SPACA1: variants seen among roughly 807,000 people sequenced by gnomAD.
SPACA1 encodes the protein sperm acrosome membrane-associated protein 1.
Under a neutral mutation model 32.6 loss-of-function variants are expected in SPACA1, and 17 were observed. That is an observed-to-expected ratio of 0.52 (90% confidence interval 0.36 to 0.78). The LOEUF is 0.78. Among genes scored for constraint, SPACA1 ranks in the 30% least tolerant of loss-of-function variants. SPACA1 has a pLI of 0.01. For synonymous variants in SPACA1, 140 were observed against 138.1 expected (o/e 1.01, Z -0.10); for missense variants, 363 against 373.4 (o/e 0.97, Z 0.23).
At chr6:88,047,435 G>A (rs1201266634), upstream of SPACA1, among the ~76,000 whole-genome samples, 1 of 152,192 alleles carries the variant, frequency 6.6e-6, no homozygotes, top group African/African-American at 2.4e-5. Context: ...CAAGTCACAC[G>A]AAGAGTATGT....
At chr6:88,056,463 T>G (rs1775808943) in intron 2 of SPACA1, among the ~76,000 whole-genome samples, 1 of 152,224 alleles carries the variant, frequency 6.6e-6, no homozygotes, top group Non-Finnish European at 1.5e-5. Context: ...TCTTGTTTCG[T>G]ATGTAGCCTT....
Position 88,048,080 on chromosome 6 carries a change from G to T in SPACA1, c.175G>T (p.Ala59Ser). 2 of 1,600,804 alleles carry T rather than the reference G, an allele frequency of 1.2e-6. No individual in the cohort carries two copies. The highest frequency in any genetic ancestry group is 2.3e-5 in the South Asian group (2 of 87,920). Residue 59 changes from alanine to serine, a missense_variant, in exon 1 of 7, where the codon GCG becomes TCG. Ala to Ser is a moderately conservative substitution (Grantham distance 99, BLOSUM62 1). Transcript: ENST00000237201. ...GACCGAAAACAACGACAGCGAGACC[G>T]CGGAGAACTACGCTCCGCCTGAAAC... Reference protein sequence around the residue: ...EETENNDSETAENYAPPETED... With the variant: ...EETENNDSETSENYAPPETED...
At chr6:88,055,700 G>A (rs1280647209) in intron 2 of SPACA1, among the ~76,000 whole-genome samples, 3 of 152,262 alleles carry the variant, frequency 2.0e-5, no homozygotes, top group Admixed American at 6.5e-5. Flanking sequence ...GCCGGGCGCG[G>A]TGGCTCACGC....
chr6:88,065,199 A>G lies in SPACA1; in HGVS notation c.731+980A>G, dbSNP rs1318173781. Reference sequence around the variant, plus strand: ...ACAAACGTGTATTATGTATATACATACATATACATATATGTATGTATGTGT... The same window carrying G: ...ACAAACGTGTATTATGTATATACATGCATATACATATATGTATGTATGTGT... On this transcript the variant is annotated intron_variant, in intron 6 of 6. Coordinates refer to ENST00000237201, the MANE Select transcript of SPACA1 (RefSeq NM_030960.3). Among the ~76,000 whole-genome samples, 5 of 148,900 alleles carry G rather than the reference A, an allele frequency of 3.4e-5. No homozygotes were observed. In the South Asian group the frequency reaches 6.2e-4, roughly 19 times the overall value.
Position 88,063,962 on chromosome 6 carries a change from A to G in SPACA1, c.611-137A>G, listed in dbSNP as rs182265182. On this transcript the variant is annotated intron_variant, in intron 5 of 6. Coordinates refer to ENST00000237201, the MANE Select transcript of SPACA1 (RefSeq NM_030960.3). Reference sequence around the variant, plus strand: ...AAGGACATTTCAAACATGCAGAGCAAGATCATTAATAATTTTCTCTGCACT... The same window carrying G: ...AAGGACATTTCAAACATGCAGAGCAGGATCATTAATAATTTTCTCTGCACT... 7.2e-5 allele frequency: 69 copies of G among 954,040 alleles called. No individual in the cohort carries two copies. In the African/African-American group the frequency reaches 9.4e-4, roughly 13 times the overall value. The allele number at this position is 954,040 out of a possible 1,614,324, so 59.1% of individuals were successfully genotyped here.
chr6:88,059,482 A>G lies in SPACA1; in HGVS notation c.504A>G (p.Ala168=). The change falls in exon 5 of 7, where the codon GCA becomes GCG. Residue 168 remains alanine, a synonymous_variant. Transcript: ENST00000237201. The part of the protein sequence containing the change: ...QQSIILVNDS[A]ILEVRKESHP... ...CCATTATACTTGTAAATGATTCAGC[A>G]ATCCTAGAAGTACGCAAGGAAAGTC... is the stretch of plus-strand genomic sequence containing the variant. 6.2e-7 allele frequency: 1 copy of G among 1,612,070 alleles called. No homozygotes were observed. Among genetic ancestry groups the G allele is most frequent in the Non-Finnish European group, 8.5e-7 (1 of 1,179,198 alleles).
intron 1 of SPACA1, among the ~76,000 whole-genome samples, chr6:88,053,130 T>A (rs1775755775): frequency 6.6e-6 from 1 of 152,236 alleles, no homozygotes; most frequent in African/African-American, 2.4e-5. Flanking sequence ...TTAATTAAAT[T>A]TGCTTAAATG....
chr6:88,058,590 G>C, intron 3 of SPACA1, 126 bp from the exon 4 acceptor site: 1 of 632,448 alleles, frequency 1.6e-6, no homozygotes, highest in Admixed American at 2.9e-5. Flanking sequence ...AGTGAGCCAA[G>C]ATCATGCCAC....
intron 5 of SPACA1, 152 bp from the exon 6 acceptor site, chr6:88,063,947 C>A: frequency 1.2e-6 from 1 of 802,028 alleles, no homozygotes; most frequent in Non-Finnish European, 1.8e-6. Context: ...AAGGACATTT[C>A]AAACATGCAG....
intron 6 of SPACA1, 55 bp downstream of exon 6, chr6:88,064,274 C>T (rs897217419): frequency 2.0e-5 from 31 of 1,554,016 alleles, no homozygotes; most frequent in Non-Finnish European, 2.4e-5. Flanking sequence ...CTTCTTCCCC[C>T]TCCTCATCCA....
At chr6:88,051,989 A>C (rs1413181483) in intron 1 of SPACA1, among the ~76,000 whole-genome samples, 1 of 152,238 alleles carries the variant, frequency 6.6e-6, no homozygotes, top group African/African-American at 2.4e-5. Context: ...GAGTTTAAAC[A>C]GTTTCACATA....
In SPACA1 at chr6:88,048,028, G is replaced by A. The variant is rs1312779984; in HGVS notation, c.123G>A (p.Leu41=). The part of the protein sequence containing the change: ...NVTAAVQDAG[L]AHEGEGEEET... ...CCGCTGCCGTCCAGGATGCCGGCCT[G>A]GCCCACGAAGGCGAGGGCGAGGAGG... Residue 41 remains leucine (L), a synonymous_variant, in exon 1 of 7, where the codon CTG becomes CTA. Transcript: ENST00000237201. The A allele has an allele frequency of 3.8e-6, 6 of 1,599,888 alleles. No homozygotes were observed. The highest frequency in any genetic ancestry group is 5.1e-6 in the Non-Finnish European group (6 of 1,174,978).
intron 1 of SPACA1, among the ~76,000 whole-genome samples, chr6:88,048,691 A>G (rs1425523861): frequency 2.0e-5 from 3 of 152,200 alleles, no homozygotes; most frequent in South Asian, 2.1e-4. Flanking sequence ...GGAGCAGTAG[A>G]AAACACCTGT....
chr6:88,051,259 A>T (rs1775724483), intron 1 of SPACA1, among the ~76,000 whole-genome samples: 1 of 152,218 alleles, frequency 6.6e-6, no homozygotes, highest in African/African-American at 2.4e-5. Flanking sequence ...TAGATTTATA[A>T]AAAGGGGCCA....
At chr6:88,059,155 A>C (rs890326755) in intron 4 of SPACA1, among the ~76,000 whole-genome samples, 1 of 152,232 alleles carries the variant, frequency 6.6e-6, no homozygotes, top group Non-Finnish European at 1.5e-5. Context: ...TAAGTGCCAG[A>C]CATGACACTG....
chr6:88,047,925 G>A lies in SPACA1; in HGVS notation c.20G>A (p.Gly7Asp). 1.3e-6 allele frequency: 2 copies of A among 1,560,234 alleles called. No individual in the cohort carries two copies. The highest frequency in any genetic ancestry group is 1.7e-6 in the Non-Finnish European group (2 of 1,153,122). The change falls in exon 1 of 7, where the codon GGC becomes GAC. Residue 7 changes from glycine to aspartate, a missense_variant. Gly to Asp is a moderately conservative substitution (Grantham distance 94). Coordinates refer to ENST00000237201, the MANE Select transcript of SPACA1 (RefSeq NM_030960.3). Reference protein sequence around the residue: MSPRGTGCSAGLLMTVG... With the variant: MSPRGTDCSAGLLMTVG... ...AGAACCATGAGCCCCAGGGGCACGG[G>A]CTGCTCCGCCGGGCTGCTGATGACT...
chr6:88,057,476 G>A, intron 2 of SPACA1, 136 bp from the exon 3 acceptor site: 1 of 592,522 alleles, frequency 1.7e-6, no homozygotes, highest in South Asian at 2.5e-5. Context: ...AATTTTAAGT[G>A]TTATCGTTCT....
chr6:88,053,655 C>T (rs920147424), intron 1 of SPACA1, among the ~76,000 whole-genome samples: 1 of 152,070 alleles, frequency 6.6e-6, no homozygotes, highest in Admixed American at 6.5e-5. Context: ...CAAGTTTTGA[C>T]TCACTATATA....
At chr6:88,047,749 C>G (rs1467267087), upstream of SPACA1, 3 of 751,462 alleles carry the variant, frequency 4.0e-6, no homozygotes, top group Non-Finnish European at 6.3e-6. Context: ...GCGCTCAGCA[C>G]CGGAGCAGCG....
Sources: gnomAD v4.1 joint callset for allele counts (sites outside exome capture counted in the v4.1 genomes callset) on GRCh38, gnomAD v4.1.1 for gene constraint, MANE v1.5 for transcripts, NCBI Gene and HGNC (gene_info 2026-07-23, HGNC 2026-07-21) for gene names.